HTT-AS: variants seen among roughly 807,000 people sequenced by gnomAD.
HTT-AS encodes the protein HTT antisense RNA.
At chr4:3,048,743 T>C (rs1268442871), downstream of HTT-AS, among the ~76,000 whole-genome samples, 1 of 152,248 alleles carries the variant, frequency 6.6e-6, no homozygotes, top group Non-Finnish European at 1.5e-5. Flanking sequence ...TGTGTAACTA[T>C]AGCCTTTACA....
At chr4:3,047,179 C>T (rs949643792), downstream of HTT-AS, among the ~76,000 whole-genome samples, 66 of 152,102 alleles carry the variant, frequency 4.3e-4, no homozygotes, top group Admixed American at 1.6e-3. Context: ...GGCGTGGTGG[C>T]GTGCACCTGT....
rs184230895 is a variant in HTT-AS at position 3,050,445 on chromosome 4, G to A, written n.1381-747C>T. On this transcript the variant is annotated intron_variant and non_coding_transcript_variant, in intron 2 of 2. Coordinates refer to ENST00000664062, the Ensembl canonical transcript of HTT-AS. ...TTAAAGTTCCAGGAATTCTTACCCA[G>A]TTCAAATGATATGATTCTAAAGTTA... Among the ~76,000 whole-genome samples the A allele has an allele frequency of 1.2e-3, 176 of 152,258 alleles. 1 individual carries two copies. Among genetic ancestry groups the A allele is most frequent in the African/African-American group, 4.1e-3 (171 of 41,550 alleles).
intron 1 of HTT-AS, among the ~76,000 whole-genome samples, chr4:3,073,087 T>C (rs1712225684): frequency 6.6e-6 from 1 of 152,172 alleles, no homozygotes; most frequent in African/African-American, 2.4e-5. Context: ...TCTGCTGTCC[T>C]TCTCAAGAAA....
intron 2 of HTT-AS, among the ~76,000 whole-genome samples, chr4:3,051,478 A>G (rs1711702785): frequency 6.6e-6 from 1 of 151,814 alleles, no homozygotes; most frequent in Admixed American, 6.6e-5. Flanking sequence ...AAAAAAGATC[A>G]TTTTCCTTTA....
intron 2 of HTT-AS, among the ~76,000 whole-genome samples, chr4:3,061,271 C>T (rs1295920809): frequency 2.0e-5 from 3 of 152,188 alleles, no homozygotes; most frequent in Non-Finnish European, 4.4e-5. Context: ...TACATTGGTT[C>T]CGTCCAGAAA....
downstream of HTT-AS, among the ~76,000 whole-genome samples, chr4:3,048,998 A>G (rs1578463289): frequency 3.3e-5 from 5 of 152,358 alleles, 2 homozygotes; most frequent in Admixed American, 3.3e-4. Context: ...ATCAAAGTAT[A>G]AAGTTATCCG....
downstream of HTT-AS, among the ~76,000 whole-genome samples, chr4:3,048,321 C>T (rs1276050322): frequency 1.3e-5 from 2 of 152,318 alleles, no homozygotes; most frequent in Admixed American, 1.3e-4. Flanking sequence ...GTTACGGTGT[C>T]CTCATGGTCA....
At chr4:3,057,983 G>A (rs2110121837) in intron 2 of HTT-AS, among the ~76,000 whole-genome samples, 1 of 151,986 alleles carries the variant, frequency 6.6e-6, no homozygotes, top group East Asian at 1.9e-4. Flanking sequence ...TCCGTGAAAG[G>A]GGTGGGCAAT....
At chr4:3,050,444 A>C (rs569554760) in intron 2 of HTT-AS, among the ~76,000 whole-genome samples, 27 of 152,336 alleles carry the variant, frequency 1.8e-4, no homozygotes, top group African/African-American at 6.3e-4. Flanking sequence ...ATTCTTACCC[A>C]GTTCAAATGA....
chr4:3,074,199 G>A (rs1261488473), intron 1 of HTT-AS, among the ~76,000 whole-genome samples: 45 of 123,926 alleles, frequency 3.6e-4, no homozygotes, highest in South Asian at 2.0e-3. Context: ...CAGCCGGCCT[G>A]CCTAATGTCC....
Position 3,061,239 on chromosome 4 carries a change from G to A in HTT-AS, n.1380+1195C>T, listed in dbSNP as rs191617037. Among the ~76,000 whole-genome samples, 35 of 152,306 alleles carry A rather than the reference G, an allele frequency of 2.3e-4. No individual in the cohort carries two copies. In the East Asian group the frequency reaches 5.0e-3, roughly 22 times the overall value. On this transcript the variant is annotated intron_variant and non_coding_transcript_variant, in intron 2 of 2. Coordinates refer to ENST00000664062, the Ensembl canonical transcript of HTT-AS. The stretch of plus-strand genomic sequence containing the variant: ...TATACATTTTAGGGAGACATGAGAC[G>A]TCAATTCATATATGTAAGAAGTACA...
intron 2 of HTT-AS, among the ~76,000 whole-genome samples, chr4:3,055,875 G>C (rs1007025746): frequency 3.9e-5 from 6 of 152,164 alleles, no homozygotes; most frequent in Non-Finnish European, 8.8e-5. Flanking sequence ...TTCAGACCCA[G>C]TCAGATGTAA....
chr4:3,066,295 G>T (rs916866405), intron 1 of HTT-AS, among the ~76,000 whole-genome samples: 15 of 151,978 alleles, frequency 9.9e-5, no homozygotes, highest in Non-Finnish European at 1.5e-4. Flanking sequence ...TCAGCCTCCC[G>T]AGTAGCTGGG....
At chr4:3,066,811 T>C (rs542799210) in intron 1 of HTT-AS, among the ~76,000 whole-genome samples, 1 of 152,264 alleles carries the variant, frequency 6.6e-6, no homozygotes, top group Admixed American at 6.5e-5. Flanking sequence ...TCAAATACAA[T>C]GTCCAGCACA....
intron 2 of HTT-AS, among the ~76,000 whole-genome samples, chr4:3,051,030 T>TCG (rs1711692286): frequency 1.6e-5 from 2 of 122,484 alleles, no homozygotes; most frequent in African/African-American, 3.2e-5. Flanking sequence ...CCCTTACAAT[T>TCG]TGTGTGTGTG....
chr4:3,062,699 G>A (rs189339811), exon 2 of HTT-AS, among the ~76,000 whole-genome samples: 16 of 151,902 alleles, frequency 1.1e-4, no homozygotes, highest in Admixed American at 3.3e-4. Flanking sequence ...GAGGGTAAGT[G>A]CGGTTCTCTG....
At chr4:3,062,012 A>AG (rs1216273065) in intron 2 of HTT-AS, among the ~76,000 whole-genome samples, 30 of 132,064 alleles carry the variant, frequency 2.3e-4, no homozygotes, top group Middle Eastern at 4.3e-3. Context: ...AAAAAAAAAA[A>AG]AGAGAGAGAG....
At chr4:3,074,593 T>C, upstream of HTT-AS, 1 of 389,794 alleles carries the variant, frequency 2.6e-6, no homozygotes, top group East Asian at 7.3e-5. Context: ...GCTAGGGCTG[T>C]CAATCATGCT....
chr4:3,066,111 AG>A (rs1712051899), intron 1 of HTT-AS, among the ~76,000 whole-genome samples: 1 of 152,232 alleles, frequency 6.6e-6, no homozygotes, highest in South Asian at 2.1e-4. Context: ...GCCAAACACC[AG>A]GGCTGCTTCT....
Sources: gnomAD v4.1 joint callset for allele counts (sites outside exome capture counted in the v4.1 genomes callset) on GRCh38, gnomAD v4.1.1 for gene constraint, MANE v1.5 for transcripts, NCBI Gene and HGNC (gene_info 2026-07-23, HGNC 2026-07-21) for gene names.